ZFAT: variants seen among roughly 807,000 people sequenced by gnomAD.
ZFAT encodes the protein zinc finger protein ZFAT.
ZFAT carries 64 observed loss-of-function variants against 117.7 expected under a neutral mutation model. The ratio of observed to expected loss-of-function variants is 0.54; its 90% CI spans 0.44 to 0.67. ZFAT has a LOEUF of 0.67. ZFAT is among the 30% of genes least tolerant of loss of function. The pLI is 0.00. For missense variants in ZFAT, 1,433 were observed against 1,584.5 expected (o/e 0.90, Z 1.62); for synonymous variants, 679 against 615.0 (o/e 1.10, Z -1.54).
the ZFAT span, among the ~76,000 whole-genome samples, chr8:134,737,198 T>C: frequency 3.6e-3 from 550 of 152,184 alleles, 3 homozygotes; most frequent in African/African-American, 0.013. Context: ...GAGAATCGCT[T>C]GAACCTGGGA....
chr8:134,767,742 ACT>A, the ZFAT span, among the ~76,000 whole-genome samples: 128 of 152,102 alleles, frequency 8.4e-4, 1 homozygote, highest in African/African-American at 3.0e-3. Context: ...AAAGGTAAGC[ACT>A]CTCTATTTTG....
At chr8:134,676,536 A>C (rs1361805990) in intron 1 of ZFAT, among the ~76,000 whole-genome samples, 3 of 152,188 alleles carry the variant, frequency 2.0e-5, no homozygotes, top group Non-Finnish European at 4.4e-5. Context: ...AGACAGATCA[A>C]TGAGATGGAA....
At chr8:134,564,642 G>A (rs932773041) in intron 11 of ZFAT, among the ~76,000 whole-genome samples, 1 of 152,224 alleles carries the variant, frequency 6.6e-6, no homozygotes, top group African/African-American at 2.4e-5. Flanking sequence ...AAATCTTGAT[G>A]ATTCCTTTCC....
intron 9 of ZFAT, 41 bp from the exon 10 acceptor site, chr8:134,584,046 A>G (rs1052017057): frequency 6.6e-7 from 1 of 1,523,288 alleles, no homozygotes; most frequent in East Asian, 2.5e-5. Context: ...ATATTTACAT[A>G]CGTTTATGCA....
At chr8:134,795,247 G>A in the ZFAT span, 3 of 152,226 alleles carry the variant, frequency 2.0e-5, no homozygotes, top group South Asian at 4.2e-4. Context: ...TCTGGTCATC[G>A]GAAAGATCAA....
intron 7 of ZFAT, chr8:134,598,313 A>G (rs186720239): frequency 6.6e-6 from 1 of 152,516 alleles, no homozygotes; most frequent in Non-Finnish European, 1.5e-5. Flanking sequence ...CCCACAGGAT[A>G]AAGACAGCAG....
At chr8:134,787,136 T>G in the ZFAT span, among the ~76,000 whole-genome samples, 1 of 152,170 alleles carries the variant, frequency 6.6e-6, no homozygotes, top group East Asian at 1.9e-4. Flanking sequence ...CATGAGCCAC[T>G]GTGTCTGGCT....
intron 15 of ZFAT, among the ~76,000 whole-genome samples, chr8:134,498,397 C>G (rs1818679925): frequency 1.4e-5 from 1 of 73,898 alleles, no homozygotes; most frequent in Non-Finnish European, 2.5e-5. Flanking sequence ...AACTGGGATG[C>G]CCCCGTTGCT....
chr8:134,699,602 GCA>G (rs1188464063), intron 1 of ZFAT, among the ~76,000 whole-genome samples: 4 of 152,218 alleles, frequency 2.6e-5, no homozygotes, highest in Non-Finnish European at 5.9e-5. Flanking sequence ...CCTGAAAAGA[GCA>G]CAGTTTGGTT....
intron 13 of ZFAT, among the ~76,000 whole-genome samples, chr8:134,518,412 T>C (rs1235992239): frequency 6.6e-6 from 1 of 152,188 alleles, no homozygotes; most frequent in Non-Finnish European, 1.5e-5. Context: ...AGAGCAGATT[T>C]CCCCACAGCT....
the ZFAT span, among the ~76,000 whole-genome samples, chr8:134,725,124 T>A: frequency 6.6e-6 from 1 of 152,094 alleles, no homozygotes; most frequent in African/African-American, 2.4e-5. Context: ...ACCCTGCAGA[T>A]TAAGGCTACC....
chr8:134,667,555 A>ATATATACC (rs71274893), intron 1 of ZFAT, among the ~76,000 whole-genome samples: 49,448 of 146,682 alleles, frequency 0.34, 8,891 homozygotes, highest in South Asian at 0.42. Context: ...ACCAGGGCAC[A>ATATATACC]TATGTAACAA....
chr8:134,800,346 G>A, the ZFAT span, among the ~76,000 whole-genome samples: 1 of 151,978 alleles, frequency 6.6e-6, no homozygotes, highest in Non-Finnish European at 1.5e-5. Flanking sequence ...GCTTTTCTCT[G>A]CAAACATATT....
chr8:134,482,892 C>A (rs892464340), intron 15 of ZFAT, among the ~76,000 whole-genome samples: 6 of 152,192 alleles, frequency 3.9e-5, no homozygotes, highest in Non-Finnish European at 1.5e-5. Context: ...TCCTGAAGGT[C>A]CCCTGCAGCC....
chr8:134,582,927 A>G (rs1825808317), intron 10 of ZFAT, among the ~76,000 whole-genome samples: 1 of 152,232 alleles, frequency 6.6e-6, no homozygotes, highest in Non-Finnish European at 1.5e-5. Flanking sequence ...AAATAACAAT[A>G]CATTTATAAA....
intron 7 of ZFAT, among the ~76,000 whole-genome samples, chr8:134,595,621 A>C (rs1406089839): frequency 6.6e-6 from 1 of 152,206 alleles, no homozygotes; most frequent in African/African-American, 2.4e-5. Context: ...AATGCTGTTA[A>C]AAGTGGATTT....
intron 10 of ZFAT, among the ~76,000 whole-genome samples, chr8:134,579,296 C>A (rs1825548481): frequency 6.6e-6 from 1 of 152,136 alleles, no homozygotes; most frequent in African/African-American, 2.4e-5. Context: ...ATACCTGAGT[C>A]TAGGTAATTT....
intron 7 of ZFAT, 34 bp downstream of exon 7, chr8:134,600,402 G>T: frequency 6.3e-7 from 1 of 1,579,710 alleles, no homozygotes; most frequent in Non-Finnish European, 8.7e-7. Context: ...AGCACCCAGG[G>T]GAGACGGGGC....
chr8:134,768,095 T>A, the ZFAT span, among the ~76,000 whole-genome samples: 1 of 152,230 alleles, frequency 6.6e-6, no homozygotes, highest in South Asian at 2.1e-4. Flanking sequence ...TTGGAGATAC[T>A]GTTTTTTGTT....
Sources: gnomAD v4.1 joint callset for allele counts (sites outside exome capture counted in the v4.1 genomes callset) on GRCh38, gnomAD v4.1.1 for gene constraint, MANE v1.5 for transcripts, NCBI Gene and HGNC (gene_info 2026-07-23, HGNC 2026-07-21) for gene names.